Variants in NDUFAF6 observed in about 807,000 individuals in gnomAD.
NDUFAF6 encodes the protein NADH dehydrogenase (ubiquinone) complex I, assembly factor 6.
In NDUFAF6, 45 loss-of-function variants were observed where a neutral mutation model predicts 40.8. That is an observed-to-expected ratio of 1.10 (90% confidence interval 0.87 to 1.42). NDUFAF6 has a LOEUF of 1.42. Among genes scored for constraint, NDUFAF6 ranks in the 40% most tolerant of loss-of-function variants. The pLI, the probability that NDUFAF6 is intolerant of heterozygous loss-of-function variation, is 0.00. For missense variants in NDUFAF6, 435 were observed against 418.5 expected (o/e 1.04, Z -0.34); for synonymous variants, 185 against 155.9 (o/e 1.19, Z -1.39).
intron 5 of NDUFAF6, 142 bp from the exon 6 acceptor site, chr8:95,046,852 T>C: frequency 1.8e-6 from 2 of 1,089,190 alleles, no homozygotes; most frequent in Non-Finnish European, 2.7e-6. Flanking sequence ...GTGCCCAGTT[T>C]TTCACTCATA....
chr8:95,023,664 C>A (rs73276439), upstream of NDUFAF6, among the ~76,000 whole-genome samples: 22,718 of 152,098 alleles, frequency 0.15, 1,759 homozygotes, highest in Middle Eastern at 0.25. Context: ...GCTAGACCCA[C>A]CTCTAATATT....
intron 2 of NDUFAF6, among the ~76,000 whole-genome samples, chr8:94,999,697 G>A (rs1288528708): frequency 3.3e-5 from 5 of 152,160 alleles, no homozygotes; most frequent in East Asian, 3.9e-4. Flanking sequence ...GATTACAGGC[G>A]TGAGCCACCA....
chr8:94,989,335 T>C (rs899727338), intron 2 of NDUFAF6: 1 of 152,224 alleles, frequency 6.6e-6, no homozygotes, highest in African/African-American at 2.4e-5. Context: ...AAAGGAATTT[T>C]TCCAGTGACA....
intron 1 of NDUFAF6, among the ~76,000 whole-genome samples, chr8:94,959,081 G>A (rs1823333225): frequency 6.6e-6 from 1 of 152,110 alleles, no homozygotes; most frequent in Admixed American, 6.5e-5. Flanking sequence ...GGGAAAGAGG[G>A]GGTGATTGCG....
intron 2 of NDUFAF6, among the ~76,000 whole-genome samples, chr8:95,004,659 G>T (rs1308774995): frequency 6.6e-6 from 1 of 151,920 alleles, no homozygotes; most frequent in African/African-American, 2.4e-5. Context: ...CCACTTTTTT[G>T]AATTCTTAAC....
At chr8:95,105,093 AGAGAGAGAGAGAG>A (rs1317042798), downstream of NDUFAF6, among the ~76,000 whole-genome samples, 1 of 150,368 alleles carries the variant, frequency 6.7e-6, no homozygotes, top group Non-Finnish European at 1.5e-5. Context: ...AGAGAGAGAG[AGAGAGAGAGAGAG>A]AGAGAGAGAG....
At chr8:95,041,084 G>GT (rs1373917106) in intron 3 of NDUFAF6, among the ~76,000 whole-genome samples, 1 of 152,274 alleles carries the variant, frequency 6.6e-6, no homozygotes, top group African/African-American at 2.4e-5. Flanking sequence ...CGTATAATGA[G>GT]TAAGTATAGA....
intron 4 of NDUFAF6, among the ~76,000 whole-genome samples, chr8:95,111,533 C>T (rs996925023): frequency 3.3e-5 from 5 of 152,184 alleles, no homozygotes; most frequent in Non-Finnish European, 7.3e-5. Context: ...GCTGTTTAGC[C>T]ATTTGCTTGT....
At chr8:94,940,602 CT>C (rs1821438297) in intron 1 of NDUFAF6, among the ~76,000 whole-genome samples, 1 of 152,106 alleles carries the variant, frequency 6.6e-6, no homozygotes, top group South Asian at 2.1e-4. Context: ...ATGAAGTGCC[CT>C]TGATCTAATC....
At chr8:94,968,378 G>C (rs1436050323) in intron 1 of NDUFAF6, among the ~76,000 whole-genome samples, 1 of 152,220 alleles carries the variant, frequency 6.6e-6, no homozygotes, top group African/African-American at 2.4e-5. Context: ...GGGGTGATAA[G>C]TGCTAGGAAG....
intron 2 of NDUFAF6, 103 bp downstream of exon 2, chr8:95,032,197 G>A: frequency 4.0e-6 from 4 of 988,762 alleles, no homozygotes; most frequent in Non-Finnish European, 6.3e-6. Context: ...TGTTAGATGT[G>A]TTTAAGGTCT....
chr8:95,083,835 C>T (rs929659521), intron 2 of NDUFAF6, among the ~76,000 whole-genome samples: 2 of 152,152 alleles, frequency 1.3e-5, no homozygotes, highest in Admixed American at 1.3e-4. Context: ...CCAGAGACTG[C>T]TTATATGACC....
intron 1 of NDUFAF6, among the ~76,000 whole-genome samples, chr8:94,930,919 A>G (rs369585949): frequency 1.2e-4 from 18 of 152,244 alleles, no homozygotes; most frequent in African/African-American, 4.3e-4. Flanking sequence ...AGGAGAGCCA[A>G]CTGTTACTAG....
chr8:94,998,893 G>A (rs1397752107), intron 2 of NDUFAF6, among the ~76,000 whole-genome samples: 1 of 152,110 alleles, frequency 6.6e-6, no homozygotes. Context: ...TTGGGGAATT[G>A]AAGGTTTGTT....
intron 2 of NDUFAF6, among the ~76,000 whole-genome samples, chr8:95,008,219 G>T (rs1827084237): frequency 6.6e-6 from 1 of 152,154 alleles, no homozygotes; most frequent in Non-Finnish European, 1.5e-5. Flanking sequence ...TTTGGGGAAA[G>T]CACATTATTA....
At chr8:95,069,118 GCT>G (rs1290373234) in intron 9 of NDUFAF6, 3 of 151,684 alleles carry the variant, frequency 2.0e-5, no homozygotes, top group Non-Finnish European at 4.4e-5. Flanking sequence ...GTTCATCTAA[GCT>G]CACTTAGATG....
chr8:95,015,897 C>T (rs1478382300), intron 2 of NDUFAF6, among the ~76,000 whole-genome samples: 2 of 151,408 alleles, frequency 1.3e-5, no homozygotes, highest in Non-Finnish European at 2.9e-5. Flanking sequence ...TAGAAATTAG[C>T]CAGATCAAGA....
chr8:94,924,177 C>T (rs1819701054), intron 1 of NDUFAF6, among the ~76,000 whole-genome samples: 1 of 152,102 alleles, frequency 6.6e-6, no homozygotes, highest in Non-Finnish European at 1.5e-5. Flanking sequence ...TCTCCTGCCT[C>T]AGCCTCCTGA....
intron 1 of NDUFAF6, among the ~76,000 whole-genome samples, chr8:94,925,573 C>CA (rs1438263071): frequency 4.6e-5 from 6 of 130,736 alleles, no homozygotes; most frequent in Admixed American, 4.1e-4. Context: ...TTTTTTGAGA[C>CA]AGAGTCTTGC....
Sources: gnomAD v4.1 joint callset for allele counts (sites outside exome capture counted in the v4.1 genomes callset) on GRCh38, gnomAD v4.1.1 for gene constraint, MANE v1.5 for transcripts, NCBI Gene and HGNC (gene_info 2026-07-23, HGNC 2026-07-21) for gene names.